The following MYO1H variants were observed in gnomAD, a reference collection of about 807,000 sequenced individuals.
The protein encoded by MYO1H is unconventional myosin-Ih.
MYO1H carries 118 observed loss-of-function variants against 149.3 expected under a neutral mutation model. That is an observed-to-expected ratio of 0.79 (90% CI 0.68 to 0.92). MYO1H has a LOEUF of 0.92. MYO1H is among the 40% of genes least tolerant of loss of function. MYO1H has a pLI of 0.00. For synonymous variants in MYO1H, 447 were observed against 465.2 expected, an observed-to-expected ratio of 0.96 and a Z score of 0.50; for missense variants, 1,212 against 1,280.7, an observed-to-expected ratio of 0.95 and a Z score of 0.82.
chr12:109,375,663 G>A (rs767210587), intron 1 of MYO1H, among the ~76,000 whole-genome samples: 2 of 152,060 alleles, frequency 1.3e-5, no homozygotes, highest in Non-Finnish European at 2.9e-5. Flanking sequence ...CTTTATGGTT[G>A]ATGCTTTTTC....
At chr12:109,385,213 T>A (rs921130556) in intron 1 of MYO1H, among the ~76,000 whole-genome samples, 6 of 152,170 alleles carry the variant, frequency 3.9e-5, no homozygotes, top group African/African-American at 1.4e-4. Context: ...TGTTCCAACG[T>A]CTTAATCATT....
At chr12:109,395,607 C>T (rs1033862116) in intron 3 of MYO1H, among the ~76,000 whole-genome samples, 2 of 151,704 alleles carry the variant, frequency 1.3e-5, no homozygotes, top group East Asian at 1.9e-4. Flanking sequence ...GGTAGTGCTG[C>T]ACTTATAATC....
chr12:109,361,976 G>C (rs7974655), intron 1 of MYO1H, among the ~76,000 whole-genome samples: 13,107 of 152,266 alleles, frequency 0.086, 700 homozygotes, highest in African/African-American at 0.14. Flanking sequence ...GAAAAGATGA[G>C]ATTTGGACAG....
intron 1 of MYO1H, among the ~76,000 whole-genome samples, chr12:109,367,980 A>G (rs1399806244): frequency 6.6e-6 from 1 of 152,162 alleles, no homozygotes; most frequent in Admixed American, 6.5e-5. Flanking sequence ...CAGCCTCCTG[A>G]GTTGCTGGGA....
intron 30 of MYO1H, among the ~76,000 whole-genome samples, chr12:109,444,911 T>C (rs1361505284): frequency 6.6e-6 from 1 of 151,940 alleles, no homozygotes; most frequent in African/African-American, 2.4e-5. Flanking sequence ...GCAAATATTG[T>C]TTTCACTCCT....
chr12:109,317,695 T>C, the MYO1H span, among the ~76,000 whole-genome samples: 1 of 152,226 alleles, frequency 6.6e-6, no homozygotes. Context: ...CTTTTAGGGA[T>C]ACAGCCTCCA....
upstream of MYO1H, among the ~76,000 whole-genome samples, chr12:109,343,918 T>C (rs2048094489): frequency 6.6e-6 from 1 of 152,222 alleles, no homozygotes; most frequent in Non-Finnish European, 1.5e-5. Flanking sequence ...CTTTAGTTTT[T>C]ACCTGATGTC....
intron 15 of MYO1H, among the ~76,000 whole-genome samples, chr12:109,419,768 C>G (rs4766599): frequency 0.063 from 9,585 of 151,736 alleles, 532 homozygotes; most frequent in Admixed American, 0.17. Flanking sequence ...ACTATGTTGC[C>G]CAGGCTAGTC....
At chr12:109,332,031 G>A in the MYO1H span, among the ~76,000 whole-genome samples, 1 of 152,188 alleles carries the variant, frequency 6.6e-6, no homozygotes, top group South Asian at 2.1e-4. Flanking sequence ...CTATCTCATG[G>A]GGTGTCGTAA....
intron 25 of MYO1H, 110 bp downstream of exon 25, chr12:109,440,937 G>C: frequency 1.3e-6 from 1 of 782,146 alleles, no homozygotes; most frequent in South Asian, 1.6e-5. Flanking sequence ...GGTCATGCTA[G>C]TCCCATGCTT....
At chr12:109,353,846 GT>G (rs1868522572) in intron 1 of MYO1H, among the ~76,000 whole-genome samples, 1 of 152,054 alleles carries the variant, frequency 6.6e-6, no homozygotes, top group Non-Finnish European at 1.5e-5. Flanking sequence ...TAGAAACGGG[GT>G]TTCACCATGT....
the MYO1H span, among the ~76,000 whole-genome samples, chr12:109,335,030 A>G: frequency 6.6e-6 from 1 of 152,176 alleles, no homozygotes; most frequent in South Asian, 2.1e-4. Flanking sequence ...GAAATTTTAT[A>G]TAAGTGGCTT....
chr12:109,445,997 T>C (rs768032296), intron 31 of MYO1H: 19 of 985,266 alleles, frequency 1.9e-5, no homozygotes, highest in Non-Finnish European at 2.0e-5. Flanking sequence ...TGAGACTTAA[T>C]TGGTTGGAGG....
At chr12:109,317,104 C>T in the MYO1H span, among the ~76,000 whole-genome samples, 1 of 152,168 alleles carries the variant, frequency 6.6e-6, no homozygotes, top group Non-Finnish European at 1.5e-5. Flanking sequence ...AAAAATTAAT[C>T]TGCCCTTGAG....
intron 19 of MYO1H, among the ~76,000 whole-genome samples, chr12:109,429,906 CA>C (rs1346242843): frequency 2.6e-5 from 4 of 152,186 alleles, no homozygotes; most frequent in Non-Finnish European, 5.9e-5. Flanking sequence ...AAGATCAAGG[CA>C]CTGGCAGACT....
chr12:109,436,600 C>A, intron 22 of MYO1H, 44 bp downstream of exon 22: 1 of 1,380,748 alleles, frequency 7.2e-7, no homozygotes, highest in Non-Finnish European at 1.0e-6. Context: ...CCTTTCTCAT[C>A]TGCTTGGCAC....
At chr12:109,315,230 T>C in the MYO1H span, among the ~76,000 whole-genome samples, 1 of 152,232 alleles carries the variant, frequency 6.6e-6, no homozygotes, top group Non-Finnish European at 1.5e-5. Context: ...AAGGAAAAGC[T>C]GTCTTGCCTC....
the MYO1H span, among the ~76,000 whole-genome samples, chr12:109,333,855 C>T: frequency 1.4e-4 from 22 of 152,108 alleles, no homozygotes; most frequent in Non-Finnish European, 2.5e-4. Flanking sequence ...TGTTAAGGGG[C>T]ACCTGTAGAA....
At chr12:109,319,199 T>C in the MYO1H span, among the ~76,000 whole-genome samples, 1 of 152,082 alleles carries the variant, frequency 6.6e-6, no homozygotes, top group Non-Finnish European at 1.5e-5. Flanking sequence ...CATCAACAGA[T>C]GAATGGATAA....
Sources: gnomAD v4.1 joint callset for allele counts (sites outside exome capture counted in the v4.1 genomes callset) on GRCh38, gnomAD v4.1.1 for gene constraint, MANE v1.5 for transcripts, NCBI Gene and HGNC (gene_info 2026-07-23, HGNC 2026-07-21) for gene names.